LRRTM4: variants seen among roughly 807,000 people sequenced by gnomAD.
The protein encoded by LRRTM4 is leucine rich repeat transmembrane neuronal 4.
A neutral mutation model predicts 47.6 loss-of-function variants in LRRTM4; 25 were observed. That is an observed-to-expected ratio of 0.53 (90% CI 0.38 to 0.73). LRRTM4 has a LOEUF of 0.73. Among genes scored for constraint, LRRTM4 ranks in the 30% least tolerant of loss-of-function variants. The pLI, the probability that LRRTM4 is intolerant of heterozygous loss-of-function variation, is 0.00. For missense variants in LRRTM4, 638 were observed against 713.4 expected, an observed-to-expected ratio of 0.89 and a Z score of 1.20; for synonymous variants, 311 against 269.5, an observed-to-expected ratio of 1.15 and a Z score of -1.51.
intron 3 of LRRTM4, among the ~76,000 whole-genome samples, chr2:76,904,081 C>T (rs1673736116): frequency 6.6e-6 from 1 of 152,200 alleles, no homozygotes; most frequent in African/African-American, 2.4e-5. Context: ...CTGATTCCCA[C>T]CTACTCAGAA....
chr2:77,518,183 C>A (rs898109277), intron 3 of LRRTM4, 135 bp downstream of exon 3: 2 of 1,326,930 alleles, frequency 1.5e-6, no homozygotes, highest in East Asian at 2.8e-5. Context: ...AATTAAGTAA[C>A]CTTTCACACT....
chr2:77,033,233 T>C (rs1558539950), intron 3 of LRRTM4, among the ~76,000 whole-genome samples: 1 of 151,942 alleles, frequency 6.6e-6, no homozygotes, highest in South Asian at 2.1e-4. Flanking sequence ...AACAAGATCA[T>C]TGTCACATGC....
intron 3 of LRRTM4, among the ~76,000 whole-genome samples, chr2:76,942,487 T>C (rs1675179132): frequency 8.0e-6 from 1 of 124,256 alleles, no homozygotes; most frequent in Admixed American, 8.9e-5. Flanking sequence ...ACTTCTGTGC[T>C]AACATTTTTT....
At chr2:77,151,339 T>C (rs1021449731) in intron 3 of LRRTM4, among the ~76,000 whole-genome samples, 1 of 152,112 alleles carries the variant, frequency 6.6e-6, no homozygotes, top group Non-Finnish European at 1.5e-5. Context: ...ACAATCTCAA[T>C]CCCCTGGCAA....
At chr2:77,232,542 C>T (rs1674993605) in intron 3 of LRRTM4, among the ~76,000 whole-genome samples, 1 of 152,194 alleles carries the variant, frequency 6.6e-6, no homozygotes, top group Admixed American at 6.5e-5. Context: ...CCTTCTTCCA[C>T]AGGCACCTAA....
At chr2:76,988,294 T>C (rs1676874546) in intron 3 of LRRTM4, among the ~76,000 whole-genome samples, 2 of 151,678 alleles carry the variant, frequency 1.3e-5, no homozygotes, top group Admixed American at 1.3e-4. Flanking sequence ...AAGAAAAGAG[T>C]AGAATGAATC....
intron 3 of LRRTM4, among the ~76,000 whole-genome samples, chr2:77,165,939 T>C (rs947866991): frequency 2.0e-5 from 3 of 152,112 alleles, no homozygotes; most frequent in African/African-American, 7.2e-5. Flanking sequence ...CTAGTCAACA[T>C]AATGTTGGAA....
At chr2:76,889,733 A>T (rs1177622213) in intron 3 of LRRTM4, among the ~76,000 whole-genome samples, 1 of 151,992 alleles carries the variant, frequency 6.6e-6, no homozygotes, top group East Asian at 1.9e-4. Flanking sequence ...CTTAAATAAT[A>T]TAGCAGTAAA....
In LRRTM4 at chr2:76,771,802, C is replaced by T. The variant is rs184158397; in HGVS notation, c.1552-22886G>A. On this transcript the variant is annotated intron_variant, in intron 3 of 3. Coordinates refer to ENST00000409884, the MANE Select transcript of LRRTM4 (RefSeq NM_001134745.3). ...CCTTTGCCTCTAATGCTGTAGAATT[C>T]TTGATTCAACAGCCCCTTCAACCAA... is the stretch of plus-strand genomic sequence containing the variant. Among the ~76,000 whole-genome samples, 584 of 152,242 alleles carry T rather than the reference C, an allele frequency of 3.8e-3. 10 individuals are homozygous for T. In the South Asian group the frequency reaches 0.05, roughly 13 times the overall value.
At chr2:77,047,495 C>A (rs770632806) in intron 3 of LRRTM4, among the ~76,000 whole-genome samples, 1 of 151,918 alleles carries the variant, frequency 6.6e-6, no homozygotes, top group Non-Finnish European at 1.5e-5. Flanking sequence ...CCCCTCCGTG[C>A]ACTTCCGGTG....
chr2:77,075,265 A>T (rs1680294392), intron 3 of LRRTM4, among the ~76,000 whole-genome samples: 1 of 152,198 alleles, frequency 6.6e-6, no homozygotes, highest in Admixed American at 6.5e-5. Flanking sequence ...AGCACTAATT[A>T]TTTGACTATT....
chr2:76,808,823 C>CTTT (rs71797198), intron 3 of LRRTM4, among the ~76,000 whole-genome samples: 1 of 151,380 alleles, frequency 6.6e-6, no homozygotes, highest in African/African-American at 2.4e-5. Flanking sequence ...TTCTGCTGAA[C>CTTT]TTTTTTTTTC....
chr2:77,165,716 T>G (rs1295299586), intron 3 of LRRTM4, among the ~76,000 whole-genome samples: 2 of 152,208 alleles, frequency 1.3e-5, no homozygotes, highest in African/African-American at 4.8e-5. Context: ...AACCACATGA[T>G]TATCTCAATA....
At chr2:77,466,317 G>T (rs1676980683) in intron 3 of LRRTM4, among the ~76,000 whole-genome samples, 1 of 152,242 alleles carries the variant, frequency 6.6e-6, no homozygotes. Context: ...GAATTAAATC[G>T]ATCTTGGTTA....
chr2:76,901,231 G>A (rs1405574979), intron 3 of LRRTM4, among the ~76,000 whole-genome samples: 1 of 152,056 alleles, frequency 6.6e-6, no homozygotes, highest in Non-Finnish European at 1.5e-5. Context: ...GCCCCAGTGT[G>A]TGTTGTTCCC....
At chr2:76,926,537 G>T (rs1330970732) in intron 3 of LRRTM4, among the ~76,000 whole-genome samples, 2 of 152,154 alleles carry the variant, frequency 1.3e-5, no homozygotes, top group Non-Finnish European at 2.9e-5. Flanking sequence ...AATTCCTAAT[G>T]CAACAGTGTT....
intron 3 of LRRTM4, among the ~76,000 whole-genome samples, chr2:77,255,094 A>T (rs1445160821): frequency 1.3e-5 from 2 of 151,986 alleles, no homozygotes; most frequent in Non-Finnish European, 2.9e-5. Flanking sequence ...GTATATATAA[A>T]GAATATGTGC....
chr2:77,307,193 C>G (rs935164668), intron 3 of LRRTM4, among the ~76,000 whole-genome samples: 1 of 151,970 alleles, frequency 6.6e-6, no homozygotes, highest in Non-Finnish European at 1.5e-5. Flanking sequence ...AGCCACCGCG[C>G]CCGGCCCCCA....
At chr2:76,858,092 G>A (rs1383767380) in intron 3 of LRRTM4, among the ~76,000 whole-genome samples, 2 of 152,056 alleles carry the variant, frequency 1.3e-5, no homozygotes, top group Non-Finnish European at 2.9e-5. Flanking sequence ...TATCTATAAT[G>A]GTTAGTTTTA....
Sources: allele counts gnomAD v4.1 joint callset (sites outside exome capture counted in the v4.1 genomes callset), GRCh38; gene constraint gnomAD v4.1.1; transcripts MANE v1.5; gene names NCBI Gene and HGNC (gene_info 2026-07-23, HGNC 2026-07-21).